The following PRELID2 variants were observed in gnomAD, a reference collection of about 807,000 sequenced individuals.
PRELID2 encodes PRELI domain-containing protein 2.
A neutral mutation model predicts 28.4 loss-of-function variants in PRELID2; 25 were observed. The observed-to-expected ratio is 0.88, with a 90% CI of 0.64 to 1.23. The LOEUF (loss-of-function observed/expected upper bound fraction) is 1.23, where lower values mean the gene tolerates loss of function less well. PRELID2 is among the 50% of genes most tolerant of loss of function. The pLI, the probability that PRELID2 is intolerant of heterozygous loss-of-function variation, is 0.00. For synonymous variants in PRELID2, 76 were observed against 71.6 expected (o/e 1.06, Z -0.31); for missense variants, 201 against 214.4 (o/e 0.94, Z 0.39).
intron 1 of PRELID2, among the ~76,000 whole-genome samples, chr5:145,506,686 T>C (rs1752414353): frequency 6.6e-6 from 1 of 152,192 alleles, no homozygotes; most frequent in African/African-American, 2.4e-5. Context: ...AATGGGAGGA[T>C]ACTGCAAAGT....
the PRELID2 span, among the ~76,000 whole-genome samples, chr5:145,256,442 C>T: frequency 6.6e-6 from 1 of 151,768 alleles, no homozygotes; most frequent in Non-Finnish European, 1.5e-5. Flanking sequence ...TTGGGTTCAC[C>T]CAGTTGATCC....
At chr5:145,532,668 CAAGTTTG>C (rs1301424423) in intron 1 of PRELID2, among the ~76,000 whole-genome samples, 1 of 152,022 alleles carries the variant, frequency 6.6e-6, no homozygotes, top group African/African-American at 2.4e-5. Flanking sequence ...TCTGCTTCTA[CAAGTTTG>C]AATTTTTTTA....
the PRELID2 span, among the ~76,000 whole-genome samples, chr5:145,347,498 G>T: frequency 6.6e-6 from 1 of 152,120 alleles, no homozygotes; most frequent in Non-Finnish European, 1.5e-5. Context: ...TTCCTCTTTG[G>T]ATTTGATTCA....
chr5:145,684,652 A>G (rs1755001215), intron 1 of PRELID2, among the ~76,000 whole-genome samples: 1 of 152,226 alleles, frequency 6.6e-6, no homozygotes, highest in Non-Finnish European at 1.5e-5. Flanking sequence ...ACTAAGAGTA[A>G]GTGAAGAGCT....
intron 1 of PRELID2, among the ~76,000 whole-genome samples, chr5:145,565,620 T>G (rs1752957942): frequency 1.3e-5 from 2 of 152,224 alleles, no homozygotes; most frequent in Admixed American, 6.5e-5. Flanking sequence ...ATGATCCTTT[T>G]GGTTTGCAGA....
At chr5:145,331,499 G>T in the PRELID2 span, among the ~76,000 whole-genome samples, 1 of 152,090 alleles carries the variant, frequency 6.6e-6, no homozygotes, top group Non-Finnish European at 1.5e-5. Context: ...TCTTCTTGTT[G>T]CATTAATCCC....
the PRELID2 span, among the ~76,000 whole-genome samples, chr5:145,257,659 T>C: frequency 0.083 from 12,581 of 152,156 alleles, 1,128 homozygotes; most frequent in African/African-American, 0.23. Context: ...AACATGCAAA[T>C]ATTAAGCATA....
the PRELID2 span, among the ~76,000 whole-genome samples, chr5:145,406,803 G>A: frequency 1.3e-5 from 2 of 152,186 alleles, no homozygotes; most frequent in Non-Finnish European, 2.9e-5. Context: ...TCCCACTGGA[G>A]AATCTGAAAA....
the PRELID2 span, chr5:145,338,029 G>A: frequency 1.3e-5 from 2 of 152,076 alleles, no homozygotes; most frequent in African/African-American, 4.8e-5. Context: ...CAAAAAGAGA[G>A]AACATCTGTT....
At chr5:145,647,912 T>C (rs936449165) in intron 1 of PRELID2, among the ~76,000 whole-genome samples, 1 of 152,260 alleles carries the variant, frequency 6.6e-6, no homozygotes, top group African/African-American at 2.4e-5. Context: ...GTACCTCAGT[T>C]GGAAATGCAG....
At chr5:145,323,593 T>A in the PRELID2 span, among the ~76,000 whole-genome samples, 1 of 152,146 alleles carries the variant, frequency 6.6e-6, no homozygotes, top group East Asian at 1.9e-4. Context: ...AAATGGGTAG[T>A]TTTTCAATCA....
At chr5:145,385,122 A>G in the PRELID2 span, among the ~76,000 whole-genome samples, 2 of 152,216 alleles carry the variant, frequency 1.3e-5, no homozygotes, top group Non-Finnish European at 2.9e-5. Context: ...ATCAAAACTT[A>G]CTAAATTATA....
the PRELID2 span, among the ~76,000 whole-genome samples, chr5:145,373,036 TATGATATATATTACAACATATATA>T: frequency 6.2e-5 from 6 of 97,054 alleles, no homozygotes; most frequent in African/African-American, 2.4e-4. Context: ...ACATATATAA[TATGATATATATTACAACATATATA>T]ATATATGATA....
At chr5:145,340,452 C>A in the PRELID2 span, among the ~76,000 whole-genome samples, 1 of 152,222 alleles carries the variant, frequency 6.6e-6, no homozygotes, top group Admixed American at 6.5e-5. Flanking sequence ...AGCACCCATG[C>A]AAGCCACCTG....
the PRELID2 span, among the ~76,000 whole-genome samples, chr5:145,317,233 T>G: frequency 6.6e-6 from 1 of 152,168 alleles, no homozygotes; most frequent in Non-Finnish European, 1.5e-5. Context: ...TCAGCAACAT[T>G]TACTAAGAAC....
intron 1 of PRELID2, among the ~76,000 whole-genome samples, chr5:145,743,571 C>T (rs112810602): frequency 1.0e-4 from 15 of 145,972 alleles, no homozygotes; most frequent in African/African-American, 3.3e-4. Flanking sequence ...GGTGGTGTGG[C>T]GGACCACCAG....
At chr5:145,581,744 G>A (rs1032359957) in intron 1 of PRELID2, among the ~76,000 whole-genome samples, 2 of 151,994 alleles carry the variant, frequency 1.3e-5, no homozygotes, top group African/African-American at 4.8e-5. Context: ...TTTTACATTA[G>A]CCTAAGAGCT....
the PRELID2 span, among the ~76,000 whole-genome samples, chr5:145,315,321 GC>G: frequency 6.6e-6 from 1 of 152,010 alleles, no homozygotes; most frequent in Non-Finnish European, 1.5e-5. Flanking sequence ...GCCCGCCTCG[GC>G]CTCCCAAAGT....
At chr5:145,457,015 G>A in the PRELID2 span, among the ~76,000 whole-genome samples, 1 of 152,282 alleles carries the variant, frequency 6.6e-6, no homozygotes, top group South Asian at 2.1e-4. Flanking sequence ...TCACCTAAGA[G>A]TGCCTCAGAA....
Sources: allele counts gnomAD v4.1 joint callset (sites outside exome capture counted in the v4.1 genomes callset), GRCh38; gene constraint gnomAD v4.1.1; transcripts MANE v1.5; gene names NCBI Gene and HGNC (gene_info 2026-07-23, HGNC 2026-07-21).